Variants in FSHR observed in about 807,000 individuals in gnomAD.
The protein encoded by FSHR is follicle stimulating hormone receptor, also known as follicle-stimulating hormone receptor.
Under a neutral mutation model 52.1 loss-of-function variants are expected in FSHR, and 46 were observed. That is an observed-to-expected ratio of 0.88 (90% CI 0.70 to 1.13). The LOEUF (loss-of-function observed/expected upper bound fraction) is 1.13. Among genes scored for constraint, FSHR ranks in the 50% most tolerant of loss-of-function variants. FSHR has a pLI of 0.00. For synonymous variants in FSHR, 399 were observed against 309.6 expected, an observed-to-expected ratio of 1.29 and a Z score of -3.03; for missense variants, 964 against 834.6, an observed-to-expected ratio of 1.16 and a Z score of -1.91.
chr2:49,140,351 A>G (rs1475740193), intron 1 of FSHR, among the ~76,000 whole-genome samples: 5 of 150,834 alleles, frequency 3.3e-5, no homozygotes, highest in Non-Finnish European at 7.4e-5. Context: ...TGCTTTTGCC[A>G]TGTGATGTAC....
chr2:49,064,662 G>C (rs1418266756), intron 2 of FSHR, among the ~76,000 whole-genome samples: 1 of 152,072 alleles, frequency 6.6e-6, no homozygotes, highest in Non-Finnish European at 1.5e-5. Context: ...GAAAGAGATG[G>C]GTGGATAGGT....
intron 1 of FSHR, among the ~76,000 whole-genome samples, chr2:49,096,474 T>C (rs1269991902): frequency 6.6e-6 from 1 of 152,220 alleles, no homozygotes; most frequent in African/African-American, 2.4e-5. Flanking sequence ...TAGGCATTGA[T>C]TGCCAACGAT....
intron 2 of FSHR, among the ~76,000 whole-genome samples, chr2:49,061,678 T>C (rs922201985): frequency 6.4e-5 from 9 of 140,920 alleles, no homozygotes; most frequent in Non-Finnish European, 9.2e-5. Flanking sequence ...TATAACTATA[T>C]ATAACTATAT....
At chr2:49,027,864 A>G (rs1667963104) in intron 2 of FSHR, among the ~76,000 whole-genome samples, 1 of 151,914 alleles carries the variant, frequency 6.6e-6, no homozygotes, top group Non-Finnish European at 1.5e-5. Context: ...AAAAAAAAAA[A>G]AAAAAAAAGA....
intron 1 of FSHR, among the ~76,000 whole-genome samples, chr2:49,135,550 C>T (rs1335798076): frequency 2.0e-5 from 3 of 151,816 alleles, no homozygotes; most frequent in East Asian, 3.9e-4. Context: ...TCATAAGATC[C>T]TGGGAAAAGA....
At chr2:48,998,863 C>T (rs12713028) in intron 4 of FSHR, among the ~76,000 whole-genome samples, 115,209 of 151,966 alleles carry the variant, frequency 0.76, 43,847 homozygotes, top group Admixed American at 0.83. Flanking sequence ...TGAAATGGTA[C>T]ATAATAAGAG....
chr2:49,010,412 T>C (rs1353452691), intron 4 of FSHR, among the ~76,000 whole-genome samples: 3 of 152,068 alleles, frequency 2.0e-5, no homozygotes, highest in Non-Finnish European at 4.4e-5. Context: ...TTTTGATGTG[T>C]TGCTGGATTC....
chr2:49,123,645 A>G lies in FSHR; in HGVS notation c.152+30621T>C, dbSNP rs192508934. Among the ~76,000 whole-genome samples the G allele has an allele frequency of 3.9e-3, 592 of 152,314 alleles. 6 individuals carry two copies. The highest frequency in any genetic ancestry group is 0.013 in the African/African-American group (550 of 41,570). On this transcript the variant is annotated intron_variant, in intron 1 of 9. Transcript: ENST00000406846. Reference sequence around the variant, plus strand: ...ACATTTATATAATGATTGTTTGTCAATTAAAAATAAAATACAACTTTAAAA... The same window carrying G: ...ACATTTATATAATGATTGTTTGTCAGTTAAAAATAAAATACAACTTTAAAA...
rs553083401 is a variant in FSHR, at chr2:49,051,740, T to A, written c.224+16479A>T. On this transcript the variant is annotated intron_variant, in intron 2 of 9. Coordinates refer to ENST00000406846, the MANE Select transcript of FSHR (RefSeq NM_000145.4). ...AGTCCAAAATAACACTTTTATTTTA[T>A]GCTTAATGTGTTCTACTTAAGGAAT... is the stretch of plus-strand genomic sequence containing the variant. Among the ~76,000 whole-genome samples the A allele has an allele frequency of 1.5e-4, 23 of 152,212 alleles. 2 individuals carry two copies. The South Asian group carries it at 3.9e-3, about 26-fold the overall frequency.
At chr2:49,109,263 A>C (rs1287688474) in intron 1 of FSHR, among the ~76,000 whole-genome samples, 2 of 152,126 alleles carry the variant, frequency 1.3e-5, no homozygotes, top group East Asian at 3.9e-4. Context: ...TTGCAGGAGC[A>C]GAGTGGGTGG....
intron 1 of FSHR, among the ~76,000 whole-genome samples, chr2:49,084,599 A>AACAAAATTGAT (rs760339711): frequency 4.6e-5 from 7 of 152,222 alleles, no homozygotes; most frequent in Non-Finnish European, 1.0e-4. Flanking sequence ...GACCGCTAGC[A>AACAAAATTGAT]AGACTAATAA....
intron 1 of FSHR, among the ~76,000 whole-genome samples, chr2:49,129,068 AT>A (rs1672170103): frequency 6.7e-6 from 1 of 148,198 alleles, no homozygotes. Flanking sequence ...TTTCAGTTAT[AT>A]GTTTCAAATT....
In FSHR at chr2:49,103,608, C is replaced by T. The variant is rs1164284666; in HGVS notation, c.153-35318G>A. On this transcript the variant is annotated intron_variant, in intron 1 of 9. Transcript: ENST00000406846. ...GATGGCATCCCTACAGAACCGATGG[C>T]CTGCCTCTAACGGCTGGCTCATTGG... 2.0e-5 allele frequency among the ~76,000 whole-genome samples: 3 copies of T among 152,206 alleles called. No individual in the cohort carries two copies. The East Asian group carries it at 5.8e-4, about 29-fold the overall frequency.
intron 1 of FSHR, among the ~76,000 whole-genome samples, chr2:49,125,057 C>T (rs1210164311): frequency 2.0e-5 from 3 of 152,194 alleles, no homozygotes; most frequent in African/African-American, 4.8e-5. Context: ...TGTCATCCCT[C>T]GGATACCCAC....
At chr2:49,016,145 A>T (rs1667484045) in intron 4 of FSHR, among the ~76,000 whole-genome samples, 1 of 152,194 alleles carries the variant, frequency 6.6e-6, no homozygotes, top group African/African-American at 2.4e-5. Flanking sequence ...ATGAATGAAA[A>T]TTTAGGCACA....
chr2:49,031,200 G>A (rs1444083648), intron 2 of FSHR, among the ~76,000 whole-genome samples: 2 of 152,290 alleles, frequency 1.3e-5, no homozygotes, highest in African/African-American at 2.4e-5. Context: ...TCTGTGCGGA[G>A]GGAGAAGAGA....
At chr2:49,000,420 T>C (rs866733736) in intron 4 of FSHR, among the ~76,000 whole-genome samples, 32 of 152,112 alleles carry the variant, frequency 2.1e-4, no homozygotes, top group Admixed American at 2.6e-4. Context: ...TACTGTGTAG[T>C]TGTCACTATT....
At chr2:48,964,845 T>A (rs1237673485) in intron 9 of FSHR, among the ~76,000 whole-genome samples, 2 of 152,124 alleles carry the variant, frequency 1.3e-5, no homozygotes, top group East Asian at 3.9e-4. Context: ...AGGTGATAAA[T>A]ATTCAATCCA....
At chr2:48,969,464 C>G (rs1482656633) in intron 8 of FSHR, among the ~76,000 whole-genome samples, 1 of 152,292 alleles carries the variant, frequency 6.6e-6, no homozygotes, top group East Asian at 1.9e-4. Flanking sequence ...GCATATGTAC[C>G]TTGCCCCTCT....
Sources: gnomAD v4.1 joint callset for allele counts (sites outside exome capture counted in the v4.1 genomes callset) on GRCh38, gnomAD v4.1.1 for gene constraint, MANE v1.5 for transcripts, NCBI Gene and HGNC (gene_info 2026-07-23, HGNC 2026-07-21) for gene names.